Variants in HEPACAM observed in about 807,000 individuals in gnomAD.
HEPACAM encodes the protein hepatocyte cell adhesion molecule.
A neutral mutation model predicts 38.3 loss-of-function variants in HEPACAM; 18 were observed. That is an observed-to-expected ratio of 0.47 (90% CI 0.33 to 0.70). HEPACAM has a LOEUF of 0.70. Ranked by LOEUF, HEPACAM falls within the 30% of genes least tolerant of loss-of-function variation. The probability of loss-of-function intolerance (pLI) is 0.03; values close to 1 mark genes in which losing one functional copy is unlikely to be tolerated. For missense variants in HEPACAM, 466 were observed against 563.0 expected, an observed-to-expected ratio of 0.83 and a Z score of 1.74; for synonymous variants, 216 against 243.1, an observed-to-expected ratio of 0.89 and a Z score of 1.04.
In HEPACAM at chr11:124,924,746, T is replaced by C. The variant is rs1486727401; in HGVS notation, c.409A>G (p.Ile137Val). Residue 137 changes from isoleucine to valine, a missense_variant, in exon 2 of 7, where the codon ATC (isoleucine) becomes GTC (valine). Coordinates refer to ENST00000298251, the MANE Select transcript of HEPACAM (RefSeq NM_152722.5). The surrounding 1 kb of genome is among the most constrained non-coding windows in gnomAD (Gnocchi z 4.4). ...GCTTTACCATCTACAGTAAGGTTGA[T>C]GGTCTTCTCCCCAGTGAAGGTGTCG... The part of the protein sequence containing the change: ...TDDTFTGEKT[I>V]NLTVDVPISR... The C allele has an allele frequency of 6.2e-7, 1 of 1,613,968 alleles. No homozygotes were observed. The highest frequency in any genetic ancestry group is 1.3e-5 in the African/African-American group (1 of 74,924).
At chr11:124,922,578 C>T (rs1947155004) in intron 5 of HEPACAM, 120 bp from the exon 6 acceptor site, 3 of 1,601,920 alleles carry the variant, frequency 1.9e-6, no homozygotes, top group Admixed American at 3.4e-5. Flanking sequence ...TCTGAATATC[C>T]TGGCTCCTAC....
At chr11:124,928,997 A>C (rs1371750085) in intron 1 of HEPACAM, among the ~76,000 whole-genome samples, 1 of 152,156 alleles carries the variant, frequency 6.6e-6, no homozygotes, top group Admixed American at 6.5e-5. Context: ...AATGTCCCCA[A>C]GCACCAAACT....
chr11:124,926,224 TAAC>T (rs1555055442), intron 1 of HEPACAM, among the ~76,000 whole-genome samples: 1 of 152,042 alleles, frequency 6.6e-6, no homozygotes, highest in Non-Finnish European at 1.5e-5. Flanking sequence ...AATAAAAAAA[TAAC>T]AACAGCAACT....
chr11:124,933,325 C>T (rs1264777184), intron 1 of HEPACAM, among the ~76,000 whole-genome samples: 8 of 152,048 alleles, frequency 5.3e-5, no homozygotes. Flanking sequence ...GCGTGCACCA[C>T]TAGGTCTGGC....
rs144527939 is a variant in HEPACAM, at chr11:124,935,748, A to T, written c.85+174T>A. Among the ~76,000 whole-genome samples the T allele has an allele frequency of 3.6e-4, 55 of 152,274 alleles. 1 individual carries two copies. In the East Asian group the frequency reaches 0.01, roughly 29 times the overall value. On this transcript the variant is annotated intron_variant, in intron 1 of 6. Transcript: ENST00000298251. ...TAGGGGCCGCGCGGGAGGCACACAA[A>T]ATAAAGAAATACGTTCAACGCTAAT...
chr11:124,919,966 G>C lies in HEPACAM; in HGVS notation c.*1172C>G. 1 of 1,613,720 alleles carries C rather than the reference G, an allele frequency of 6.2e-7. No homozygotes were observed. Among genetic ancestry groups the C allele is most frequent in the Non-Finnish European group, 8.5e-7 (1 of 1,180,014 alleles). ...AACTGTTCAATAGGCGGTGGCATGG[G>C]CATGTCCTGGCTACACAGCGGCCCA... On this transcript the variant is annotated 3_prime_UTR_variant, in exon 7 of 7. Transcript: ENST00000298251.
At chr11:124,929,894 G>A (rs754453569) in intron 1 of HEPACAM, among the ~76,000 whole-genome samples, 17 of 152,046 alleles carry the variant, frequency 1.1e-4, no homozygotes, top group African/African-American at 2.4e-4. Context: ...GTTTCCTTTC[G>A]CCAGTATTTG....
rs1947101205 is a variant in HEPACAM at position 124,919,906 on chromosome 11, C to T, written c.*1232G>A. On this transcript the variant is annotated 3_prime_UTR_variant, in exon 7 of 7. Coordinates refer to ENST00000298251, the MANE Select transcript of HEPACAM (RefSeq NM_152722.5). ...TCTCTTTCAGCTTTTTAATTGCCCTCTCTCCTCACACAGTAGATTACTGCC... is the reference window on the plus strand; with the variant it reads ...TCTCTTTCAGCTTTTTAATTGCCCTTTCTCCTCACACAGTAGATTACTGCC... 3 of 1,614,168 alleles carry T rather than the reference C, an allele frequency of 1.9e-6. No homozygotes were observed. Among genetic ancestry groups the T allele is most frequent in the East Asian group, 2.2e-5 (1 of 44,880 alleles).
intron 5 of HEPACAM, 116 bp downstream of exon 5, chr11:124,922,629 T>A (rs1410930058): frequency 6.2e-7 from 1 of 1,613,098 alleles, no homozygotes; most frequent in African/African-American, 1.3e-5. Flanking sequence ...TTCGTGCAGT[T>A]GGTGGGGGAA....
Position 124,920,524 on chromosome 11 carries a change from G to C in HEPACAM, c.*614C>G, listed in dbSNP as rs1374028649. On this transcript the variant is annotated 3_prime_UTR_variant, in exon 7 of 7. Transcript: ENST00000298251. ...CGTACCCTTCCCTCACCACCTTGTA[G>C]GTCCCCAGGTACCAGGTGCCCAGGG... The C allele has an allele frequency of 7.0e-7, 1 of 1,438,574 alleles. No individual in the cohort carries two copies. Among genetic ancestry groups the C allele is most frequent in the Non-Finnish European group, 9.3e-7 (1 of 1,079,196 alleles). The allele number at this position is 1,438,574 out of a possible 1,614,324, so 89.1% of individuals were successfully genotyped here.
chr11:124,925,045 G>C lies in HEPACAM; in HGVS notation c.110C>G (p.Thr37Ser). Reference protein sequence around the residue: ...QTDPLEGVNITSPVRLIHGTV... With the variant: ...QTDPLEGVNISSPVRLIHGTV... ...GCCATGGATCAGGCGCACGGGGCTGGTGATGTTCACCCCCTCCAGGGGGTC... is the reference window on the plus strand; with the variant it reads ...GCCATGGATCAGGCGCACGGGGCTGCTGATGTTCACCCCCTCCAGGGGGTC... Residue 37 changes from threonine to serine, a missense_variant, in exon 2 of 7, where the codon ACC becomes AGC. By Grantham distance (58) the Thr-to-Ser change is moderately conservative (BLOSUM62 1). Transcript: ENST00000298251. The C allele has an allele frequency of 6.3e-7, 1 of 1,598,814 alleles. No individual in the cohort carries two copies. The highest frequency in any genetic ancestry group is 8.5e-7 in the Non-Finnish European group (1 of 1,170,176).
In HEPACAM at chr11:124,919,655, T is replaced by C; in HGVS notation, c.*1483A>G. 1 of 1,403,430 alleles carries C rather than the reference T, an allele frequency of 7.1e-7. No individual in the cohort carries two copies. Among genetic ancestry groups the C allele is most frequent in the South Asian group, 1.3e-5 (1 of 75,064 alleles). 86.9% of individuals were successfully genotyped at this position (1,403,430 alleles called of 1,614,324 possible). A position where few individuals can be genotyped will look rare whatever the true frequency, so the allele number is the denominator to read the frequency against. On this transcript the variant is annotated 3_prime_UTR_variant, in exon 7 of 7. Coordinates refer to ENST00000298251, the MANE Select transcript of HEPACAM (RefSeq NM_152722.5). The stretch of plus-strand genomic sequence containing the variant: ...GGGGAAGTGCCGAGGGACAGGGAGC[T>C]GAGACAGGCATGCTGTGGGGTTCAG...
chr11:124,921,230 G>C lies in HEPACAM; in HGVS notation c.1159C>G (p.Arg387Gly). ...AGTGTGCGCGAGGCGCTGCGCGAGC[G>C]GCCGGGCGAGCTCGGGGCCCTGGGC... The part of the protein sequence containing the change: ...SPPRAPSSPG[R>G]SRSASRTLRT... Residue 387 changes from arginine (R) to glycine (G), a missense_variant, in exon 7 of 7, where the codon CGC becomes GGC. Arg to Gly is a moderately radical substitution (Grantham distance 125). Transcript: ENST00000298251. The surrounding 1 kb of genome is among the most constrained non-coding windows in gnomAD (Gnocchi z 4.6). 1.4e-6 allele frequency: 2 copies of C among 1,469,952 alleles called. No individual in the cohort carries two copies. Among genetic ancestry groups the C allele is most frequent in the Non-Finnish European group, 1.8e-6 (2 of 1,116,856 alleles). 91.1% of individuals were successfully genotyped at this position (1,469,952 alleles called of 1,614,324 possible).
At chr11:124,925,522 G>A (rs1157253881) in intron 1 of HEPACAM, among the ~76,000 whole-genome samples, 3 of 152,172 alleles carry the variant, frequency 2.0e-5, no homozygotes, top group Non-Finnish European at 4.4e-5. Flanking sequence ...AGATCTTCTT[G>A]ATTGGGGATT....
At position 124,920,938 on chromosome 11, in the gene HEPACAM, G is replaced by C. The variant is rs532057100; in HGVS notation, c.*200C>G. The C allele has an allele frequency of 9.6e-6, 13 of 1,357,988 alleles. No individual in the cohort carries two copies. The highest frequency in any genetic ancestry group is 1.1e-5 in the Non-Finnish European group (12 of 1,058,846). 84.1% of individuals were successfully genotyped at this position (1,357,988 alleles called of 1,614,324 possible). ...GTAAACCGGAAGCAAATGCGACCCG[G>C]TTTCACCATATCAACACTGCCGCCT... On this transcript the variant is annotated 3_prime_UTR_variant, in exon 7 of 7. Coordinates refer to ENST00000298251, the MANE Select transcript of HEPACAM (RefSeq NM_152722.5).
At position 124,923,387 on chromosome 11, in the gene HEPACAM, G is replaced by A. The variant is rs1006475993; in HGVS notation, c.756C>T (p.Leu252=). Residue 252 remains leucine (L), a synonymous_variant, in exon 4 of 7, where the codon CTC becomes CTT. Coordinates refer to ENST00000298251, the MANE Select transcript of HEPACAM (RefSeq NM_152722.5). ...CACAGACTGTCACCAAGGTCACAAGGAGGAAGATGCCTCCTGTAGACAAGA... is the reference window on the plus strand; with the variant it reads ...CACAGACTGTCACCAAGGTCACAAGAAGGAAGATGCCTCCTGTAGACAAGA... ...YIILSTGGIF[L]LVTLVTVCAC... is the part of the protein sequence containing the mutation. The A allele has an allele frequency of 6.2e-7, 1 of 1,613,924 alleles. No homozygotes were observed. Among genetic ancestry groups the A allele is most frequent in the African/African-American group, 1.3e-5 (1 of 75,048 alleles).
At chr11:124,923,465 G>T in intron 3 of HEPACAM, 32 bp from the exon 4 acceptor site, 1 of 1,457,232 alleles carries the variant, frequency 6.9e-7, no homozygotes, top group South Asian at 1.1e-5. Context: ...GAGGCAGGAG[G>T]GACTTCAAAG....
intron 1 of HEPACAM, among the ~76,000 whole-genome samples, chr11:124,925,496 T>C (rs1050776598): frequency 6.6e-6 from 1 of 152,188 alleles, no homozygotes. Context: ...TCATTAGACC[T>C]CTGGGTGAAT....
Position 124,923,722 on chromosome 11 carries a change from A to G in HEPACAM, c.709+7T>C. 1 of 1,614,094 alleles carries G rather than the reference A, an allele frequency of 6.2e-7. No homozygotes were observed. The highest frequency in any genetic ancestry group is 8.5e-7 in the Non-Finnish European group (1 of 1,180,016). ...AGTACTAAAGGAAAGCCTGCGGGGA[A>G]ACTCACTGTATACGGTGATCTTGAC... On this transcript the variant is annotated splice_region_variant and intron_variant, in intron 3 of 6. Coordinates refer to ENST00000298251, the MANE Select transcript of HEPACAM (RefSeq NM_152722.5).
Sources: gnomAD v4.1 joint callset for allele counts (sites outside exome capture counted in the v4.1 genomes callset) on GRCh38, gnomAD v4.1.1 for gene constraint, Gnocchi (gnomAD v3.1) non-coding constraint, MANE v1.5 for transcripts, NCBI Gene and HGNC (gene_info 2026-07-23, HGNC 2026-07-21) for gene names.